Variants in CSNK2A2 observed in about 807,000 individuals in gnomAD.
CSNK2A2 encodes the protein casein kinase 2 alpha 2.
Under a neutral mutation model 54.0 loss-of-function variants are expected in CSNK2A2, and 8 were observed. That is an observed-to-expected ratio of 0.15 (90% CI 0.09 to 0.27). The LOEUF (loss-of-function observed/expected upper bound fraction) is 0.27, where lower values mean the gene tolerates loss of function less well. Ranked by LOEUF, CSNK2A2 falls within the 10% of genes least tolerant of loss-of-function variation. The pLI is 1.00. For missense variants in CSNK2A2, 242 were observed against 439.4 expected (o/e 0.55, Z 4.02); for synonymous variants, 141 against 153.9 (o/e 0.92, Z 0.62).
chr16:58,193,203 C>T (rs974387764), intron 2 of CSNK2A2, among the ~76,000 whole-genome samples: 3 of 152,080 alleles, frequency 2.0e-5, no homozygotes, highest in Non-Finnish European at 4.4e-5. Flanking sequence ...AAACCTACCA[C>T]AGGAGAAATA....
At chr16:58,184,196 C>T in intron 4 of CSNK2A2, 64 bp downstream of exon 4, 2 of 1,298,180 alleles carry the variant, frequency 1.5e-6, no homozygotes, top group Non-Finnish European at 2.2e-6. Flanking sequence ...CTGGAGTACA[C>T]AGTATTTATC....
Position 58,194,609 on chromosome 16 carries a change from T to C in CSNK2A2, c.216+2124A>G, listed in dbSNP as rs1435196819. Among the ~76,000 whole-genome samples, 5 of 152,354 alleles carry C rather than the reference T, an allele frequency of 3.3e-5. No individual in the cohort carries two copies. In the East Asian group the frequency reaches 9.6e-4, roughly 29 times the overall value. On this transcript the variant is annotated intron_variant, in intron 2 of 11. Transcript: ENST00000262506. Reference sequence around the variant, plus strand: ...TGATTCCAGGACACTGGTACCTGTTTCTGTGCTCAACGTTCAGATCCTACA... The same window carrying C: ...TGATTCCAGGACACTGGTACCTGTTCCTGTGCTCAACGTTCAGATCCTACA...
In CSNK2A2 at chr16:58,197,951, G is replaced by T. The variant is rs1192175896; in HGVS notation, c.-215C>A. 15 of 143,950 alleles carry T rather than the reference G, an allele frequency of 1.0e-4. No individual in the cohort carries two copies. The highest frequency in any genetic ancestry group is 3.2e-4 in the African/African-American group (13 of 40,060). The allele number at this position is 143,950 out of a possible 1,614,324, so 8.9% of individuals were successfully genotyped here. On this transcript the variant is annotated 5_prime_UTR_variant, in exon 1 of 12. Coordinates refer to ENST00000262506, the MANE Select transcript of CSNK2A2 (RefSeq NM_001896.4). This position sits in a 1 kb window ranked among gnomAD's most constrained non-coding sequence, Gnocchi z 4.0. ...CCGGCCGAGCCGGCCCGGCCCTGGAGCGGCCGGCGGGGCGGCGGGGCGGGC... is the reference window on the plus strand; with the variant it reads ...CCGGCCGAGCCGGCCCGGCCCTGGATCGGCCGGCGGGGCGGCGGGGCGGGC...
At chr16:58,159,474 C>G (rs1159294460) in intron 11 of CSNK2A2, 2 of 152,252 alleles carry the variant, frequency 1.3e-5, no homozygotes, top group Non-Finnish European at 2.9e-5. Flanking sequence ...AGGTGTAACA[C>G]ACATCTTTGC....
intron 1 of CSNK2A2, 23 bp from the exon 2 acceptor site, chr16:58,196,867 T>A: frequency 2.0e-6 from 3 of 1,478,378 alleles, no homozygotes; most frequent in Non-Finnish European, 2.8e-6. Context: ...GACACACACA[T>A]AAATGCCAGG....
Position 58,166,585 on chromosome 16 carries a change from G to A in CSNK2A2, c.826C>T (p.Gln276Ter). The change falls in exon 9 of 12, where the codon CAA (glutamine) becomes TAA (stop). Residue 276 changes from glutamine (Q) to a stop codon, truncating the protein, a stop_gained and splice_region_variant. Transcript: ENST00000262506. LOFTEE classifies it high-confidence loss of function. ...ACTCTCTCTCTCTCTCTTACTTACT[G>A]TCCCAGGATATCGTTGAAGTGTGGA... is the stretch of plus-strand genomic sequence containing the variant. Reference protein sequence around the residue: ...LDPHFNDILGQHSRKRWENFI... With the variant: ...LDPHFNDILG 6.3e-7 allele frequency: 1 copy of A among 1,597,396 alleles called. No individual in the cohort carries two copies. Among genetic ancestry groups the A allele is most frequent in the Non-Finnish European group, 8.6e-7 (1 of 1,165,146 alleles).
intron 5 of CSNK2A2, among the ~76,000 whole-genome samples, chr16:58,173,517 G>A (rs1358455765): frequency 6.6e-6 from 1 of 152,310 alleles, no homozygotes; most frequent in South Asian, 2.1e-4. Flanking sequence ...ATTCCTTTAA[G>A]TGCTTATCTA....
chr16:58,169,193 T>C (rs1567464979), intron 5 of CSNK2A2, among the ~76,000 whole-genome samples: 3 of 151,910 alleles, frequency 2.0e-5, no homozygotes, highest in Admixed American at 6.5e-5. Context: ...CCCAAGGTAC[T>C]GGGATTACAG....
intron 4 of CSNK2A2, among the ~76,000 whole-genome samples, chr16:58,182,434 A>G (rs973686045): frequency 1.4e-4 from 19 of 139,746 alleles, no homozygotes; most frequent in African/African-American, 4.3e-4. Context: ...GCACGCCTGT[A>G]GTCCCAGCTA....
intron 7 of CSNK2A2, 152 bp downstream of exon 7, chr16:58,167,533 C>CA: frequency 1.5e-6 from 1 of 646,856 alleles, no homozygotes; most frequent in Non-Finnish European, 2.6e-6. Flanking sequence ...TCTGTCCCCC[C>CA]AAAAAACTAG....
At chr16:58,161,406 TTAAGA>T (rs1961352623) in intron 11 of CSNK2A2, 1 of 152,174 alleles carries the variant, frequency 6.6e-6, no homozygotes, top group Admixed American at 6.5e-5. Flanking sequence ...TTTAACCTGT[TTAAGA>T]TAATGAAGCA....
chr16:58,177,505 C>T (rs1438114005), intron 4 of CSNK2A2, among the ~76,000 whole-genome samples: 1 of 152,218 alleles, frequency 6.6e-6, no homozygotes, highest in African/African-American at 2.4e-5. Flanking sequence ...ACAGGTGGGC[C>T]TCACTGCTAC....
Position 58,165,766 on chromosome 16 carries a change from C to T in CSNK2A2, c.828-58G>A, listed in dbSNP as rs2242444. ...GACTAAATTCAACAAGAATCCTTATCTACTAGGGCTAAAGCCAACAAAATC... is the reference window on the plus strand; with the variant it reads ...GACTAAATTCAACAAGAATCCTTATTTACTAGGGCTAAAGCCAACAAAATC... On this transcript the variant is annotated intron_variant, in intron 9 of 11. Coordinates refer to ENST00000262506, the MANE Select transcript of CSNK2A2 (RefSeq NM_001896.4). 0.19 allele frequency: 288,913 copies of T among 1,554,906 alleles called. 29,364 individuals carry two copies. Among genetic ancestry groups the T allele is most frequent in the Admixed American group, 0.35 (18,549 of 52,964 alleles).
chr16:58,166,665 A>G lies in CSNK2A2; in HGVS notation c.746T>C (p.Val249Ala). ...CCCATACAGTTCTTCTGTACCCAGA[A>G]CCTTGGCAATGCGAACAAGCTGAAA... Reference protein sequence around the residue: ...NYDQLVRIAKVLGTEELYGYL... With the variant: ...NYDQLVRIAKALGTEELYGYL... Residue 249 changes from valine to alanine, a missense_variant, in exon 9 of 12, where the codon GTT (valine) becomes GCT (alanine). Physicochemically the swap from Val to Ala is moderately conservative, Grantham distance 64. Around this residue, in one of 5 missense-constraint regions of CSNK2A2, gnomAD observed 81 missense variants for 135.0 expected, o/e 0.60. Coordinates refer to ENST00000262506, the MANE Select transcript of CSNK2A2 (RefSeq NM_001896.4). 1 of 1,613,732 alleles carries G rather than the reference A, an allele frequency of 6.2e-7. No homozygotes were observed. Among genetic ancestry groups the G allele is most frequent in the Non-Finnish European group, 8.5e-7 (1 of 1,179,764 alleles).
At chr16:58,183,944 G>A (rs1185578196) in intron 4 of CSNK2A2, among the ~76,000 whole-genome samples, 1 of 152,052 alleles carries the variant, frequency 6.6e-6, no homozygotes, top group Non-Finnish European at 1.5e-5. Context: ...GTAAGATTTC[G>A]TACAAAAGGC....
rs778042865 is a variant in CSNK2A2, at chr16:58,165,511, T to C, written c.976+49A>G. ...GTCTCAAAGACAAAGAGTGGAAGATTTGTTCTCTTGACTGAATTACTCCCT... is the reference window on the plus strand; with the variant it reads ...GTCTCAAAGACAAAGAGTGGAAGATCTGTTCTCTTGACTGAATTACTCCCT... On this transcript the variant is annotated intron_variant, in intron 10 of 11. Transcript: ENST00000262506. The C allele has an allele frequency of 1.2e-5, 19 of 1,522,268 alleles. No homozygotes were observed. The African/African-American group carries it at 2.4e-4, about 19-fold the overall frequency. 94.3% of individuals were successfully genotyped at this position (1,522,268 alleles called of 1,614,324 possible).
At chr16:58,171,750 T>A (rs1961741464) in intron 5 of CSNK2A2, among the ~76,000 whole-genome samples, 2 of 151,826 alleles carry the variant, frequency 1.3e-5, no homozygotes, top group Non-Finnish European at 2.9e-5. Flanking sequence ...ACTGAGCACC[T>A]GAAATGTGCC....
chr16:58,161,326 A>G (rs1389313286), intron 11 of CSNK2A2: 2 of 152,240 alleles, frequency 1.3e-5, no homozygotes, highest in Non-Finnish European at 2.9e-5. Context: ...AGATGATAGT[A>G]TAACACTACC....
intron 2 of CSNK2A2, among the ~76,000 whole-genome samples, chr16:58,192,416 T>C (rs901416893): frequency 6.6e-6 from 1 of 151,226 alleles, no homozygotes; most frequent in African/African-American, 2.4e-5. Context: ...TGCCAAGTGA[T>C]CATGCTGAGA....
Sources: allele counts gnomAD v4.1 joint callset (sites outside exome capture counted in the v4.1 genomes callset), GRCh38; gene constraint gnomAD v4.1.1; regional missense constraint gnomAD v4.1.1; non-coding constraint Gnocchi (gnomAD v3.1); transcripts MANE v1.5; gene names NCBI Gene and HGNC (gene_info 2026-07-23, HGNC 2026-07-21).